Variants in TCTN2 observed in about 807,000 individuals in gnomAD.
TCTN2 encodes the protein tectonic family member 2.
A neutral mutation model predicts 83.4 loss-of-function variants in TCTN2; 66 were observed. The ratio of observed to expected loss-of-function variants is 0.79; its 90% CI spans 0.65 to 0.97. The LOEUF is 0.97. Ranked by LOEUF, TCTN2 falls within the 50% of genes least tolerant of loss-of-function variation. The pLI is 0.00. For missense variants in TCTN2, 794 were observed against 858.1 expected, an observed-to-expected ratio of 0.93 and a Z score of 0.93; for synonymous variants, 301 against 326.7, an observed-to-expected ratio of 0.92 and a Z score of 0.85.
rs1239596155 is a variant in TCTN2 at position 123,671,311 on chromosome 12, G to T, written c.71G>T (p.Trp24Leu). The T allele has an allele frequency of 1.9e-6, 3 of 1,613,602 alleles. No homozygotes were observed. Among genetic ancestry groups the T allele is most frequent in the East Asian group, 4.5e-5 (2 of 44,878 alleles). The change falls in exon 1 of 18, where the codon TGG becomes TTG. Residue 24 changes from tryptophan (W) to leucine (L), a missense_variant. Transcript: ENST00000303372. ...CTGCAGGGCATCCTGAGGCTTCTGT[G>T]GGGGGACCTGGGTGTGTACGGCGCG... ...FLLQGILRLL[W>L]GDLAFIPPFI...
At chr12:123,706,239 T>A (rs1956228376) in intron 15 of TCTN2, among the ~76,000 whole-genome samples, 1 of 152,086 alleles carries the variant, frequency 6.6e-6, no homozygotes, top group African/African-American at 2.4e-5. Flanking sequence ...AAATGGAGAG[T>A]GGTGGCTCTG....
Position 123,673,759 on chromosome 12 carries a change from C to G in TCTN2, c.412C>G (p.Leu138Val), listed in dbSNP as rs372053991. The change falls in exon 4 of 18, where the codon CTC becomes GTC. Residue 138 changes from leucine (L) to valine (V), a missense_variant. Coordinates refer to ENST00000303372, the MANE Select transcript of TCTN2 (RefSeq NM_024809.5). ...SHNSSCSAHL[L>V]IQVEIYANSS... is the part of the protein sequence containing the mutation. ...TAATTCATCCTGTTCAGCACATCTA[C>G]TCATTCAAGTGGAAATTTATGCCAA... 2 of 1,614,210 alleles carry G rather than the reference C, an allele frequency of 1.2e-6. No homozygotes were observed. Among genetic ancestry groups the G allele is most frequent in the Non-Finnish European group, 1.7e-6 (2 of 1,180,040 alleles).
At chr12:123,690,723 A>G (rs944079950) in intron 8 of TCTN2, 49 bp downstream of exon 8, 1 of 1,602,732 alleles carries the variant, frequency 6.2e-7, no homozygotes, top group Non-Finnish European at 8.5e-7. Context: ...ACATGAATAT[A>G]AAGTATGATC....
At chr12:123,677,251 C>T (rs1221560997) in intron 4 of TCTN2, among the ~76,000 whole-genome samples, 1 of 152,156 alleles carries the variant, frequency 6.6e-6, no homozygotes, top group Non-Finnish European at 1.5e-5. Flanking sequence ...GACCCTTACC[C>T]GTGTAACGTG....
intron 4 of TCTN2, among the ~76,000 whole-genome samples, chr12:123,677,421 T>C (rs1042647938): frequency 1.3e-5 from 2 of 152,218 alleles, no homozygotes; most frequent in African/African-American, 4.8e-5. Flanking sequence ...AAATAGTTCC[T>C]GCATGGTTTT....
chr12:123,692,568 A>G (rs1334848125), intron 8 of TCTN2, 90 bp from the exon 9 acceptor site: 6 of 1,096,560 alleles, frequency 5.5e-6, no homozygotes, highest in African/African-American at 4.7e-5. Context: ...TGCGGTCACC[A>G]TATTTGCTTT....
At position 123,704,675 on chromosome 12, in the gene TCTN2, G is replaced by C; in HGVS notation, c.1756G>C (p.Gly586Arg). 6.2e-7 allele frequency: 1 copy of C among 1,613,284 alleles called. No individual in the cohort carries two copies. The change falls in exon 15 of 18, where the codon GGT becomes CGT. Residue 586 changes from glycine to arginine, a missense_variant. By Grantham distance (125) the Gly-to-Arg change is moderately radical (BLOSUM62 -2). Coordinates refer to ENST00000303372, the MANE Select transcript of TCTN2 (RefSeq NM_024809.5). ...VEGITQQEIL[G>R]VETRFSSVNW... ...AGGGATTACTCAGCAGGAGATACTCGGTGTAGAGACAAGGTATGATCACAT... is the reference window on the plus strand; with the variant it reads ...AGGGATTACTCAGCAGGAGATACTCCGTGTAGAGACAAGGTATGATCACAT...
chr12:123,678,538 C>A (rs1201580599), intron 4 of TCTN2, among the ~76,000 whole-genome samples: 8 of 151,958 alleles, frequency 5.3e-5, no homozygotes, highest in Non-Finnish European at 1.0e-4. Flanking sequence ...TCCACCCACC[C>A]TGGCCTCCCA....
chr12:123,702,623 C>T (rs1011296957), intron 14 of TCTN2, among the ~76,000 whole-genome samples: 8 of 152,142 alleles, frequency 5.3e-5, no homozygotes, highest in African/African-American at 1.2e-4. Flanking sequence ...CATTTGCAAA[C>T]GGAACCCAGA....
At position 123,695,288 on chromosome 12, in the gene TCTN2, G is replaced by A. The variant is rs747448755; in HGVS notation, c.1303G>A (p.Gly435Arg). 4.4e-6 allele frequency: 7 copies of A among 1,575,846 alleles called. No individual in the cohort carries two copies. In the South Asian group the frequency reaches 7.8e-5, roughly 17 times the overall value. The change falls in exon 11 of 18, where the codon GGA becomes AGA. Residue 435 changes from glycine (G) to arginine (R), a missense_variant. Physicochemically the swap from Gly to Arg is moderately radical, Grantham distance 125 (BLOSUM62 -2). Coordinates refer to ENST00000303372, the MANE Select transcript of TCTN2 (RefSeq NM_024809.5). Reference sequence around the variant, plus strand: ...TAGTGGTAATGAAGAAGAATTATCTGGAAATCCAGGTAAGATGAGTATATG... The same window carrying A: ...TAGTGGTAATGAAGAAGAATTATCTAGAAATCCAGGTAAGATGAGTATATG... The part of the protein sequence containing the change: ...YNSGNEEELS[G>R]NPGYQLGKPV...
rs767833131 is a variant in TCTN2, at chr12:123,688,035, T to C, written c.765-16T>C. On this transcript the variant is annotated splice_polypyrimidine_tract_variant and intron_variant, in intron 6 of 17. Coordinates refer to ENST00000303372, the MANE Select transcript of TCTN2 (RefSeq NM_024809.5). ...CAGATAACTGAAACTATTCAGCCTT[T>C]CTTATTGATTTTCAGTTCCCCCAAA... 6.2e-7 allele frequency: 1 copy of C among 1,613,628 alleles called. No individual in the cohort carries two copies. Among genetic ancestry groups the C allele is most frequent in the Non-Finnish European group, 8.5e-7 (1 of 1,179,722 alleles).
At position 123,706,715 on chromosome 12, in the gene TCTN2, T is replaced by C; in HGVS notation, c.1770-11T>C. ...GGTGGCTATGCTGACCATGTGATCT[T>C]TCCCTCCTAGGTTCTCCTCAGTGAA... On this transcript the variant is annotated splice_polypyrimidine_tract_variant and intron_variant, in intron 15 of 17. Coordinates refer to ENST00000303372, the MANE Select transcript of TCTN2 (RefSeq NM_024809.5). 1 of 1,613,870 alleles carries C rather than the reference T, an allele frequency of 6.2e-7. No individual in the cohort carries two copies. Among genetic ancestry groups the C allele is most frequent in the Non-Finnish European group, 8.5e-7 (1 of 1,179,896 alleles).
At position 123,706,678 on chromosome 12, in the gene TCTN2, A is replaced by C. The variant is rs143704990; in HGVS notation, c.1770-48A>C. The C allele has an allele frequency of 6.0e-3, 9,629 of 1,613,304 alleles. 114 individuals are homozygous for C. Among genetic ancestry groups the C allele is most frequent in the South Asian group, 0.029 (2,628 of 90,952 alleles). On this transcript the variant is annotated intron_variant, in intron 15 of 17. Coordinates refer to ENST00000303372, the MANE Select transcript of TCTN2 (RefSeq NM_024809.5). Reference sequence around the variant, plus strand: ...TCCGTTACCTGCTGTTCTTGGTGGAATAGAACTGAATGGTGGCTATGCTGA... The same window carrying C: ...TCCGTTACCTGCTGTTCTTGGTGGACTAGAACTGAATGGTGGCTATGCTGA...
Position 123,688,186 on chromosome 12 carries a change from T to C in TCTN2, c.891+9T>C, listed in dbSNP as rs935627525. 6.2e-7 allele frequency: 1 copy of C among 1,611,792 alleles called. No individual in the cohort carries two copies. The highest frequency in any genetic ancestry group is 8.5e-7 in the Non-Finnish European group (1 of 1,178,462). On this transcript the variant is annotated intron_variant, in intron 7 of 17. Transcript: ENST00000303372. ...ATTTTACTATTCCGCAGGTAATCGT[T>C]GCAATATTAGTATGCTAGACCGTTC...
chr12:123,695,375 A>G, intron 11 of TCTN2, 78 bp downstream of exon 11: 2 of 956,558 alleles, frequency 2.1e-6, no homozygotes, highest in Non-Finnish European at 3.4e-6. Context: ...GATGGTTATA[A>G]GTAACTCTCT....
chr12:123,702,208 C>T (rs944727035), intron 14 of TCTN2, among the ~76,000 whole-genome samples: 2 of 152,146 alleles, frequency 1.3e-5, no homozygotes, highest in African/African-American at 4.8e-5. Context: ...AGAAAGAGCC[C>T]AATGAGTGTG....
intron 8 of TCTN2, among the ~76,000 whole-genome samples, chr12:123,692,267 C>T (rs536480327): frequency 6.6e-6 from 1 of 152,162 alleles, no homozygotes; most frequent in East Asian, 1.9e-4. Context: ...AGACTGGTCT[C>T]AAACTGACCT....
At position 123,697,095 on chromosome 12, in the gene TCTN2, G is replaced by A. The variant is rs148262537; in HGVS notation, c.1402G>A (p.Gly468Ser). The change falls in exon 13 of 18, where the codon GGT (glycine) becomes AGT (serine). Residue 468 changes from glycine (G) to serine (S), a missense_variant. Transcript: ENST00000303372. The stretch of plus-strand genomic sequence containing the variant: ...ATCTTTTTCTTTTATAGCTGGAAGG[G>A]GTCTGTGTACATCAGCAACTTTCAA... The part of the protein sequence containing the change: ...TLHLWQSAGR[G>S]LCTSATFKPI... The A allele has an allele frequency of 3.2e-5, 51 of 1,612,750 alleles. No homozygotes were observed. Among genetic ancestry groups the A allele is most frequent in the Non-Finnish European group, 4.1e-5 (48 of 1,178,936 alleles).
In TCTN2 at chr12:123,707,713, G is replaced by A. The variant is rs1173914895; in HGVS notation, c.2094G>A (p.Ter698=). The A allele has an allele frequency of 6.2e-7, 1 of 1,612,324 alleles. No individual in the cohort carries two copies. The highest frequency in any genetic ancestry group is 8.5e-7 in the Non-Finnish European group (1 of 1,178,518). ...CCAGAATATGCAAAGCCTATAGTTAGACAACCACCTGGCTTTTATTTTTTT... is the reference window on the plus strand; with the variant it reads ...CCAGAATATGCAAAGCCTATAGTTAAACAACCACCTGGCTTTTATTTTTTT... The part of the protein sequence containing the change: ...PWTRICKAYS[*] The change falls in exon 18 of 18, where the codon TAG becomes TAA. Residue 698 remains the stop codon, a stop_retained_variant. Coordinates refer to ENST00000303372, the MANE Select transcript of TCTN2 (RefSeq NM_024809.5).
Sources: gnomAD v4.1 joint callset for allele counts (sites outside exome capture counted in the v4.1 genomes callset) on GRCh38, gnomAD v4.1.1 for gene constraint, MANE v1.5 for transcripts, NCBI Gene and HGNC (gene_info 2026-07-23, HGNC 2026-07-21) for gene names.